HDAC10: variants seen among roughly 807,000 people sequenced by gnomAD.
HDAC10 encodes histone deacetylase 10.
In HDAC10, 90 loss-of-function variants were observed where a neutral mutation model predicts 82.3. The observed-to-expected ratio is 1.09, with a 90% CI of 0.92 to 1.30. The LOEUF is 1.30. Among genes scored for constraint, HDAC10 ranks in the 50% most tolerant of loss-of-function variants. The pLI, the probability that HDAC10 is intolerant of heterozygous loss-of-function variation, is 0.00. For synonymous variants in HDAC10, 456 were observed against 391.7 expected, an observed-to-expected ratio of 1.16 and a Z score of -1.94; for missense variants, 934 against 876.3, an observed-to-expected ratio of 1.07 and a Z score of -0.83.
Position 50,248,790 on chromosome 22 carries a change from C to T in HDAC10, c.817-39G>A. On this transcript the variant is annotated intron_variant, in intron 9 of 19. Coordinates refer to ENST00000216271, the MANE Select transcript of HDAC10 (RefSeq NM_032019.6). The surrounding 1 kb of genome is among the most constrained non-coding windows in gnomAD (Gnocchi z 5.4). ...CATGTGTGATGGGGGACCTGGGCCC[C>T]AGGACCCCAGAAGCCCTCCCTGGCA... is the stretch of plus-strand genomic sequence containing the variant. 6.2e-7 allele frequency: 1 copy of T among 1,601,372 alleles called. No individual in the cohort carries two copies. The highest frequency in any genetic ancestry group is 8.5e-7 in the Non-Finnish European group (1 of 1,174,196).
chr22:50,246,538 T>TCTCC, intron 16 of HDAC10, 141 bp downstream of exon 16: 1 of 1,066,578 alleles, frequency 9.4e-7, no homozygotes, highest in Non-Finnish European at 1.4e-6. Flanking sequence ...CAGCAGCCCT[T>TCTCC]CTCCCACACC....
At position 50,249,551 on chromosome 22, in the gene HDAC10, T is replaced by C; in HGVS notation, c.563+84A>G. 6.2e-7 allele frequency: 1 copy of C among 1,606,766 alleles called. No individual in the cohort carries two copies. Among genetic ancestry groups the C allele is most frequent in the Non-Finnish European group, 8.5e-7 (1 of 1,175,280 alleles). ...GCTGACCCCTGAGCACATGTCTGTA[T>C]CTCACCCCTGGATTTTCCCAGGCCA... On this transcript the variant is annotated intron_variant, in intron 6 of 19. Coordinates refer to ENST00000216271, the MANE Select transcript of HDAC10 (RefSeq NM_032019.6). The surrounding 1 kb of genome is among the most constrained non-coding windows in gnomAD (Gnocchi z 4.4).
In HDAC10 at chr22:50,249,070, C is replaced by A; in HGVS notation, c.756+33G>T. Reference sequence around the variant, plus strand: ...CCAGGCACAAGGTCCCCCTCCCACCCGGCTGCCCTGGGGGAGCCCTCCGTG... The same window carrying A: ...CCAGGCACAAGGTCCCCCTCCCACCAGGCTGCCCTGGGGGAGCCCTCCGTG... On this transcript the variant is annotated intron_variant, in intron 8 of 19. Coordinates refer to ENST00000216271, the MANE Select transcript of HDAC10 (RefSeq NM_032019.6). This position sits in a 1 kb window ranked among gnomAD's most constrained non-coding sequence, Gnocchi z 4.4. 6.4e-7 allele frequency: 1 copy of A among 1,557,258 alleles called. No homozygotes were observed. The highest frequency in any genetic ancestry group is 1.2e-5 in the South Asian group (1 of 85,452).
At chr22:50,245,553 G>A in intron 19 of HDAC10, 23 bp from the exon 20 acceptor site, 1 of 1,205,212 alleles carries the variant, frequency 8.3e-7, no homozygotes, top group Non-Finnish European at 1.2e-6. Context: ...CCGAGAAGAG[G>A]CGCGCAGTTG....
intron 2 of HDAC10, 59 bp from the exon 3 acceptor site, chr22:50,250,582 A>C: frequency 4.2e-5 from 48 of 1,155,528 alleles, no homozygotes; most frequent in Non-Finnish European, 5.9e-5. Flanking sequence ...GGGGGGCGGG[A>C]GGCGGGGACC....
At position 50,251,197 on chromosome 22, in the gene HDAC10, C is replaced by G. The variant is rs1416078494; in HGVS notation, c.-165G>C. On this transcript the variant is annotated 5_prime_UTR_variant, in exon 1 of 20. Transcript: ENST00000216271. Reference sequence around the variant, plus strand: ...CGGGAGCGCACAGAACCTAGGCAGGCTCCGGGATCCCAGGCGCGCAGAAGG... The same window carrying G: ...CGGGAGCGCACAGAACCTAGGCAGGGTCCGGGATCCCAGGCGCGCAGAAGG... The G allele has an allele frequency of 1.6e-6, 1 of 636,426 alleles. No homozygotes were observed. Among genetic ancestry groups the G allele is most frequent in the Non-Finnish European group, 2.6e-6 (1 of 380,576 alleles). 39.4% of individuals were successfully genotyped at this position (636,426 alleles called of 1,614,324 possible).
In HDAC10 at chr22:50,251,230, C is replaced by T. The variant is rs558980805; in HGVS notation, c.-198G>A. ...TCCCAGGCGCGCAGAAGGCACGGAG[C>T]GAGGCTGCAGTCGAAGGGGGAGGCT... On this transcript the variant is annotated 5_prime_UTR_variant, in exon 1 of 20. Transcript: ENST00000216271. The T allele has an allele frequency of 3.8e-5, 21 of 559,936 alleles. No individual in the cohort carries two copies. Among genetic ancestry groups the T allele is most frequent in the South Asian group, 2.8e-4 (12 of 42,774 alleles). 34.7% of individuals were successfully genotyped at this position (559,936 alleles called of 1,614,324 possible). A position where few individuals can be genotyped will look rare whatever the true frequency, so the allele number is the denominator to read the frequency against.
chr22:50,249,605 G>A lies in HDAC10; in HGVS notation c.563+30C>T, dbSNP rs1283578812. On this transcript the variant is annotated intron_variant, in intron 6 of 19. Coordinates refer to ENST00000216271, the MANE Select transcript of HDAC10 (RefSeq NM_032019.6). This position sits in a 1 kb window ranked among gnomAD's most constrained non-coding sequence, Gnocchi z 4.4. ...TGTGCACCCAAAAACTGGGGCTGCAGGGAAGGGTGGTTTCCGCACCCCTGC... is the reference window on the plus strand; with the variant it reads ...TGTGCACCCAAAAACTGGGGCTGCAAGGAAGGGTGGTTTCCGCACCCCTGC... The A allele has an allele frequency of 5.6e-6, 9 of 1,612,154 alleles. No homozygotes were observed. The highest frequency in any genetic ancestry group is 6.8e-6 in the Non-Finnish European group (8 of 1,179,382).
rs754491670 is a variant in HDAC10 at position 50,248,888 on chromosome 22, A to G, written c.759T>C (p.Phe253=). 2 of 1,611,206 alleles carry G rather than the reference A, an allele frequency of 1.2e-6. No homozygotes were observed. Among genetic ancestry groups the G allele is most frequent in the Non-Finnish European group, 1.7e-6 (2 of 1,179,318 alleles). The change falls in exon 9 of 20, where the codon TTT becomes TTC. Residue 253 remains phenylalanine (F), a splice_region_variant and synonymous_variant. Coordinates refer to ENST00000216271, the MANE Select transcript of HDAC10 (RefSeq NM_032019.6). The surrounding 1 kb of genome is among the most constrained non-coding windows in gnomAD (Gnocchi z 5.4). ...LHLLLPLAFE[F]DPELVLVSAG... is the part of the protein sequence containing the mutation. Reference sequence around the variant, plus strand: ...CCGAGACCAGCACCAGCTCAGGGTCAAACTACAGGCCAGGCCGGAGTGGGG... The same window carrying G: ...CCGAGACCAGCACCAGCTCAGGGTCGAACTACAGGCCAGGCCGGAGTGGGG...
chr22:50,250,531 C>G lies in HDAC10; in HGVS notation c.195-8G>C. ...AGGGATACATACTCTGGGCTGCATG[C>G]AGATGGGCAGGCAGGAGAGGCAGGG... is the stretch of plus-strand genomic sequence containing the variant. On this transcript the variant is annotated splice_polypyrimidine_tract_variant and splice_region_variant and intron_variant, in intron 2 of 19. Transcript: ENST00000216271. 6 of 1,607,192 alleles carry G rather than the reference C, an allele frequency of 3.7e-6. No individual in the cohort carries two copies. Among genetic ancestry groups the G allele is most frequent in the Non-Finnish European group, 4.3e-6 (5 of 1,175,384 alleles).
rs781469797 is a variant in HDAC10, at chr22:50,250,834, TC to T, written c.130del (p.Glu44AsnfsTer35). On this transcript the variant is annotated frameshift_variant, in exon 2 of 20. Transcript: ENST00000216271. LOFTEE classifies it high-confidence loss of function. Reference protein sequence around the residue: ...ALDRLRQRGLEQRCLRLSARE... With the variant: ...ALDRLRQRGLXQRCLRLSARE... ...GGCTGACAACCGCAGACACCTCTGT[TC>T]CAGGCCGCGCTGCCGCAGGCGATCC... 1 of 1,603,402 alleles carries T rather than the reference TC, an allele frequency of 6.2e-7. No homozygotes were observed. The highest frequency in any genetic ancestry group is 8.5e-7 in the Non-Finnish European group (1 of 1,176,268).
chr22:50,248,392 C>T lies in HDAC10; in HGVS notation c.987G>A (p.Leu329=). ...TCTGACATGGCGCCATTGGCCCTGA[C>T]AGGGGTGGGGCCGGGTCACCCAGCA... ...QTLLGDPAPP[L]SGPMAPCQSA... The change falls in exon 11 of 20, where the codon CTG becomes CTA. Residue 329 remains leucine, a synonymous_variant. Transcript: ENST00000216271. The surrounding 1 kb of genome is among the most constrained non-coding windows in gnomAD (Gnocchi z 5.4). The T allele has an allele frequency of 6.2e-7, 1 of 1,609,988 alleles. No individual in the cohort carries two copies. The highest frequency in any genetic ancestry group is 2.2e-5 in the East Asian group (1 of 44,890).
rs1366602986 is a variant in HDAC10, at chr22:50,249,801, T to G, written c.494+59A>C. 1.2e-6 allele frequency: 2 copies of G among 1,601,678 alleles called. No homozygotes were observed. The highest frequency in any genetic ancestry group is 4.5e-5 in the East Asian group (2 of 44,622). ...GTGCTGGCTGGGTTCTCTCGCCTCC[T>G]GCGCTGCCCCTTGCTGTGTGGCCTG... On this transcript the variant is annotated intron_variant, in intron 5 of 19. Coordinates refer to ENST00000216271, the MANE Select transcript of HDAC10 (RefSeq NM_032019.6). This position sits in a 1 kb window ranked among gnomAD's most constrained non-coding sequence, Gnocchi z 4.4.
chr22:50,249,842 A>G lies in HDAC10; in HGVS notation c.494+18T>C. ...GTGTGGCCTGGGCCCACCCCCCTGC[A>G]GCCAGCCTGGCACACACCTGTGTAG... On this transcript the variant is annotated intron_variant, in intron 5 of 19. Coordinates refer to ENST00000216271, the MANE Select transcript of HDAC10 (RefSeq NM_032019.6). The surrounding 1 kb of genome is among the most constrained non-coding windows in gnomAD (Gnocchi z 4.4). The G allele has an allele frequency of 6.2e-7, 1 of 1,610,038 alleles. No homozygotes were observed.
rs761034142 is a variant in HDAC10 at position 50,250,127 on chromosome 22, C to T, written c.325G>A (p.Ala109Thr). 12 of 1,612,546 alleles carry T rather than the reference C, an allele frequency of 7.4e-6. No homozygotes were observed. The South Asian group carries it at 1.3e-4, about 18-fold the overall frequency. ...ACAGCGTCCACCAGCTGCAGTCCAG[C>T]CCCTGCGGCCAGCCGCGCGCAGTGA... The part of the protein sequence containing the change: ...TFHCARLAAG[A>T]GLQLVDAVLT... Residue 109 changes from alanine (A) to threonine (T), a missense_variant, in exon 4 of 20, where the codon GCT (alanine) becomes ACT (threonine). Coordinates refer to ENST00000216271, the MANE Select transcript of HDAC10 (RefSeq NM_032019.6).
At position 50,248,137 on chromosome 22, in the gene HDAC10, C is replaced by G. The variant is rs541010302; in HGVS notation, c.1090G>C (p.Ala364Pro). ...WKSLQQQDVT[A>P]VPMSPSSHSP... ...TGGCTGCTGGGGCTCATCGGCACAG[C>G]GGTCACATCTAGGGACAGTTCGGAG... Residue 364 changes from alanine to proline, a missense_variant, in exon 13 of 20, where the codon GCT becomes CCT. Physicochemically the swap from Ala to Pro is conservative, Grantham distance 27 (BLOSUM62 -1). Transcript: ENST00000216271. The surrounding 1 kb of genome is among the most constrained non-coding windows in gnomAD (Gnocchi z 5.4). 6.3e-7 allele frequency: 1 copy of G among 1,583,864 alleles called. No homozygotes were observed. The highest frequency in any genetic ancestry group is 1.3e-5 in the African/African-American group (1 of 74,442).
intron 2 of HDAC10, 52 bp from the exon 3 acceptor site, chr22:50,250,575 G>C (rs976380184): frequency 2.0e-6 from 3 of 1,472,096 alleles, no homozygotes; most frequent in African/African-American, 1.4e-5. Flanking sequence ...AGGAGCAGGG[G>C]GGCGGGAGGC....
In HDAC10 at chr22:50,248,554, T is replaced by C; in HGVS notation, c.907-82A>G. ...CCGGGAGAGCCCCTGCCTGGCTCTA[T>C]CCCGGGCAGGACGCCCCTCCCAAAT... is the stretch of plus-strand genomic sequence containing the variant. On this transcript the variant is annotated intron_variant, in intron 10 of 19. Transcript: ENST00000216271. This position sits in a 1 kb window ranked among gnomAD's most constrained non-coding sequence, Gnocchi z 5.4. 6.7e-7 allele frequency: 1 copy of C among 1,494,440 alleles called. No individual in the cohort carries two copies. The highest frequency in any genetic ancestry group is 2.4e-5 in the East Asian group (1 of 40,858). 92.6% of individuals were successfully genotyped at this position (1,494,440 alleles called of 1,614,324 possible).
In HDAC10 at chr22:50,248,496, T is replaced by C. The variant is rs751438786; in HGVS notation, c.907-24A>G. On this transcript the variant is annotated intron_variant, in intron 10 of 19. Coordinates refer to ENST00000216271, the MANE Select transcript of HDAC10 (RefSeq NM_032019.6). This position sits in a 1 kb window ranked among gnomAD's most constrained non-coding sequence, Gnocchi z 5.4. Reference sequence around the variant, plus strand: ...CCCTGGGAGGAGGGTGGAGACATGATTGGGGCAGAGATATCACTGGGATGG... The same window carrying C: ...CCCTGGGAGGAGGGTGGAGACATGACTGGGGCAGAGATATCACTGGGATGG... The C allele has an allele frequency of 8.2e-6, 13 of 1,593,242 alleles. No homozygotes were observed. The highest frequency in any genetic ancestry group is 2.7e-5 in the African/African-American group (2 of 74,598).
Sources: allele counts gnomAD v4.1 joint callset, GRCh38; gene constraint gnomAD v4.1.1; non-coding constraint Gnocchi (gnomAD v3.1); transcripts MANE v1.5; gene names NCBI Gene and HGNC (gene_info 2026-07-23, HGNC 2026-07-21).